Variants in CDH18 observed in about 807,000 individuals in gnomAD.
The protein encoded by CDH18 is cadherin-18.
CDH18 carries 31 observed loss-of-function variants against 67.9 expected under a neutral mutation model. That is an observed-to-expected ratio of 0.46 (90% CI 0.34 to 0.62). CDH18 has a LOEUF of 0.62. Ranked by LOEUF, CDH18 falls within the 20% of genes least tolerant of loss-of-function variation. The pLI, the probability that CDH18 is intolerant of heterozygous loss-of-function variation, is 0.01. For synonymous variants in CDH18, 362 were observed against 347.2 expected (o/e 1.04, Z -0.48); for missense variants, 890 against 975.5 (o/e 0.91, Z 1.17).
At chr5:20,376,826 G>T (rs1018442398) in intron 1 of CDH18, among the ~76,000 whole-genome samples, 1 of 151,938 alleles carries the variant, frequency 6.6e-6, no homozygotes. Context: ...AGACCATCCT[G>T]GCCAACATGG....
rs544974306 is a variant in CDH18 at position 19,915,752 on chromosome 5, G to GT, written c.-257+65307dup. Among the ~76,000 whole-genome samples, 104 of 146,888 alleles carry GT rather than the reference G, an allele frequency of 7.1e-4. No individual in the cohort carries two copies. The East Asian group carries it at 7.9e-3, about 11-fold the overall frequency. ...AGGCAACATAGATAGATGGATAGGT[G>GT]TTTTTTTTTTCTTTTAATTTTCTTT... On this transcript the variant is annotated intron_variant, in intron 2 of 12. Coordinates refer to ENST00000382275, the MANE Select transcript of CDH18 (RefSeq NM_004934.5).
chr5:19,616,486 C>T (rs1160538660), intron 5 of CDH18, among the ~76,000 whole-genome samples: 1 of 152,112 alleles, frequency 6.6e-6, no homozygotes, highest in Non-Finnish European at 1.5e-5. Context: ...TTAACTATTG[C>T]AATGCTCCTT....
chr5:19,696,818 T>A (rs1449398467), intron 5 of CDH18, among the ~76,000 whole-genome samples: 2 of 152,186 alleles, frequency 1.3e-5, no homozygotes, highest in Non-Finnish European at 2.9e-5. Flanking sequence ...GGGCTTATGA[T>A]AAGCTCAAAC....
intron 1 of CDH18, among the ~76,000 whole-genome samples, chr5:20,517,726 T>G (rs1755465923): frequency 6.6e-6 from 1 of 152,050 alleles, no homozygotes. Context: ...AAGTGGGAGC[T>G]AAGTAGTTTA....
chr5:19,561,112 G>A (rs1249356622), intron 8 of CDH18, among the ~76,000 whole-genome samples: 3 of 152,088 alleles, frequency 2.0e-5, no homozygotes, highest in Non-Finnish European at 2.9e-5. Flanking sequence ...ATTCCTTACA[G>A]AACTAAAAGT....
chr5:20,545,894 T>C (rs1304553419), intron 1 of CDH18, among the ~76,000 whole-genome samples: 1 of 152,220 alleles, frequency 6.6e-6, no homozygotes. Context: ...CAAACCTTTA[T>C]GCTCTGCTTC....
chr5:20,231,327 C>T (rs192078836), intron 2 of CDH18, among the ~76,000 whole-genome samples: 11 of 152,132 alleles, frequency 7.2e-5, no homozygotes, highest in African/African-American at 9.6e-5. Context: ...TGGATAATAT[C>T]GGCCGGGCAC....
At chr5:19,949,717 A>C (rs1795605391) in intron 2 of CDH18, among the ~76,000 whole-genome samples, 2 of 152,154 alleles carry the variant, frequency 1.3e-5, no homozygotes, top group South Asian at 4.1e-4. Flanking sequence ...ATACGATGGC[A>C]ATGTATTTGG....
At chr5:20,525,041 C>A (rs969788578) in intron 1 of CDH18, among the ~76,000 whole-genome samples, 1 of 152,268 alleles carries the variant, frequency 6.6e-6, no homozygotes, top group Admixed American at 6.5e-5. Context: ...GGCTTGCGAA[C>A]TTATTCCCTG....
chr5:19,912,815 AGCAGGGCTTT>A (rs1292056674), intron 2 of CDH18, among the ~76,000 whole-genome samples: 1 of 151,890 alleles, frequency 6.6e-6, no homozygotes, highest in Admixed American at 6.6e-5. Flanking sequence ...AATAGGAGAG[AGCAGGGCTTT>A]CTTAGAGGGA....
At chr5:19,498,479 G>C (rs1448368876) in intron 11 of CDH18, among the ~76,000 whole-genome samples, 2 of 152,124 alleles carry the variant, frequency 1.3e-5, no homozygotes, top group Non-Finnish European at 2.9e-5. Context: ...AATTAAAGAT[G>C]ATTGATACCA....
chr5:19,906,606 C>G (rs192151695), intron 2 of CDH18, among the ~76,000 whole-genome samples: 1 of 152,058 alleles, frequency 6.6e-6, no homozygotes, highest in Non-Finnish European at 1.5e-5. Flanking sequence ...ATCCAAGTTA[C>G]AGAGTCTTTT....
intron 1 of CDH18, among the ~76,000 whole-genome samples, chr5:20,379,302 C>T (rs144819426): frequency 6.6e-6 from 1 of 152,138 alleles, no homozygotes; most frequent in Non-Finnish European, 1.5e-5. Flanking sequence ...ATAGCCCTTA[C>T]TTATTGCATA....
chr5:19,711,206 C>A (rs1764654250), intron 5 of CDH18, among the ~76,000 whole-genome samples: 1 of 151,910 alleles, frequency 6.6e-6, no homozygotes, highest in Non-Finnish European at 1.5e-5. Context: ...CTGATTAAAA[C>A]CTCAAAAGGA....
At chr5:19,740,570 C>G (rs928284499) in intron 4 of CDH18, among the ~76,000 whole-genome samples, 1 of 152,002 alleles carries the variant, frequency 6.6e-6, no homozygotes, top group Non-Finnish European at 1.5e-5. Context: ...ACACCTTTAC[C>G]AGCTTTTTAT....
At chr5:20,103,805 A>G (rs1036244860) in intron 2 of CDH18, among the ~76,000 whole-genome samples, 67 of 12,618 alleles carry the variant, frequency 5.3e-3, no homozygotes, top group Non-Finnish European at 1.9e-3. Flanking sequence ...GTACATAGAA[A>G]CCAAAAGAAA....
Position 19,483,411 on chromosome 5 carries a change from C to T in CDH18, c.1772G>A (p.Cys591Tyr), listed in dbSNP as rs1390202403. 2 of 1,613,954 alleles carry T rather than the reference C, an allele frequency of 1.2e-6. No homozygotes were observed. The highest frequency in any genetic ancestry group is 2.2e-5 in the East Asian group (1 of 44,868). Residue 591 changes from cysteine to tyrosine, a missense_variant, in exon 12 of 13, where the codon TGC (cysteine) becomes TAC (tyrosine). Around this residue, in one of 2 missense-constraint regions of CDH18, gnomAD observed 656 missense variants for 668.1 expected, o/e 0.98. Transcript: ENST00000382275. ...SSTLTIRVCA[C>Y]ERDGRVRTCH... ...GGTCCGCACACGCCCATCTCTCTCG[C>T]ATGCACAAACCCTGATGGTGAGGGT...
intron 2 of CDH18, among the ~76,000 whole-genome samples, chr5:20,122,810 G>GTATATATA (rs138170795): frequency 1.4e-5 from 2 of 142,418 alleles, no homozygotes; most frequent in African/African-American, 5.1e-5. Context: ...TGAATACAAA[G>GTATATATA]TATATATATA....
intron 4 of CDH18, among the ~76,000 whole-genome samples, chr5:19,741,553 T>G (rs927252714): frequency 6.6e-6 from 1 of 152,150 alleles, no homozygotes; most frequent in African/African-American, 2.4e-5. Flanking sequence ...GTTTTCATAC[T>G]ATTGTGCACT....
Sources: gnomAD v4.1 joint callset for allele counts (sites outside exome capture counted in the v4.1 genomes callset) on GRCh38, gnomAD v4.1.1 for gene constraint, gnomAD v4.1.1 regional missense constraint, MANE v1.5 for transcripts, NCBI Gene and HGNC (gene_info 2026-07-23, HGNC 2026-07-21) for gene names.